The following SPRY3 variants were observed in gnomAD, a reference collection of about 807,000 sequenced individuals.
SPRY3 encodes protein sprouty homolog 3.
A neutral mutation model predicts 20.2 loss-of-function variants in SPRY3; 15 were observed. The ratio of observed to expected loss-of-function variants is 0.74; its 90% confidence interval spans 0.50 to 1.14. The LOEUF is 1.14. Among genes scored for constraint, SPRY3 ranks in the 50% most tolerant of loss-of-function variants. The probability of loss-of-function intolerance (pLI) is 0.00; values close to 1 mark genes in which losing one functional copy is unlikely to be tolerated. For missense variants in SPRY3, 364 were observed against 363.9 expected, an observed-to-expected ratio of 1.00 and a Z score of 0.00; for synonymous variants, 143 against 136.5, an observed-to-expected ratio of 1.05 and a Z score of -0.33.
At chrX:155,774,358 C>A in exon 4 of SPRY3, 2 of 1,614,010 alleles carry the variant, frequency 1.2e-6, no homozygotes, top group Non-Finnish European at 1.7e-6. Flanking sequence ...AGCAGCTCGC[C>A]CTCTCCCCTC....
chrX:155,659,979 T>C (rs782444859), intron 2 of SPRY3, among the ~76,000 whole-genome samples: 2 of 112,024 alleles, frequency 1.8e-5, no homozygotes, highest in East Asian at 5.6e-4. Flanking sequence ...AAGAACCAAC[T>C]TTTAATTTTA....
intron 1 of SPRY3, among the ~76,000 whole-genome samples, chrX:155,628,794 C>G (rs1283845355): frequency 8.9e-6 from 1 of 111,877 alleles, no homozygotes; most frequent in Admixed American, 9.4e-5. Context: ...CACATCCTCA[C>G]CAACACTTGT....
chrX:155,686,324 T>A (rs1402293461), intron 2 of SPRY3, among the ~76,000 whole-genome samples: 1 of 111,724 alleles, frequency 9.0e-6, no homozygotes, highest in Non-Finnish European at 1.9e-5. Context: ...GGTTTTTGGT[T>A]TATATCCTGA....
chrX:155,659,231 G>A (rs186139145), intron 2 of SPRY3, among the ~76,000 whole-genome samples: 25 of 108,207 alleles, frequency 2.3e-4, no homozygotes, highest in African/African-American at 7.4e-4. Context: ...TGCAAGCTCC[G>A]CCTCCTGGGT....
intron 2 of SPRY3, among the ~76,000 whole-genome samples, chrX:155,688,400 C>T (rs893470360): frequency 5.4e-5 from 6 of 110,844 alleles, no homozygotes; most frequent in South Asian, 3.9e-4. Flanking sequence ...GGTATATACC[C>T]GGTAATGGAA....
chrX:155,776,841 T>C (rs1353346515), downstream of SPRY3: 3 of 167,086 alleles, frequency 1.8e-5, no homozygotes, highest in Non-Finnish European at 4.4e-5. Flanking sequence ...CTTCCTGAAG[T>C]GTACTGACAT....
chrX:155,669,582 A>T (rs1557354578), intron 2 of SPRY3, among the ~76,000 whole-genome samples: 1 of 111,531 alleles, frequency 9.0e-6, no homozygotes, highest in Non-Finnish European at 1.9e-5. Flanking sequence ...AGACAATTGA[A>T]TCAAGTGATG....
At chrX:155,680,478 C>G (rs1391213781) in intron 2 of SPRY3, among the ~76,000 whole-genome samples, 1 of 110,254 alleles carries the variant, frequency 9.1e-6, no homozygotes, top group Non-Finnish European at 1.9e-5. Context: ...GTGGGATATT[C>G]CCCCACAGTC....
chrX:155,713,012 G>C (rs909275236), intron 2 of SPRY3, among the ~76,000 whole-genome samples: 3 of 151,530 alleles, frequency 2.0e-5, no homozygotes, highest in Non-Finnish European at 3.0e-5. Flanking sequence ...ATTTTTTGTT[G>C]TTTCCCTTTA....
At chrX:155,621,106 A>G (rs1427778521) in intron 1 of SPRY3, among the ~76,000 whole-genome samples, 1 of 111,917 alleles carries the variant, frequency 8.9e-6, no homozygotes, top group Non-Finnish European at 1.9e-5. Context: ...TTTACCAACT[A>G]TTATTGTTCA....
intron 2 of SPRY3, among the ~76,000 whole-genome samples, chrX:155,666,671 G>A (rs2068025559): frequency 9.0e-6 from 1 of 111,465 alleles, no homozygotes; most frequent in Non-Finnish European, 1.9e-5. Flanking sequence ...ATATATTTGT[G>A]TTGAACGTGT....
chrX:155,663,544 G>A (rs1217870794), intron 2 of SPRY3, among the ~76,000 whole-genome samples: 2 of 111,403 alleles, frequency 1.8e-5, no homozygotes, highest in Non-Finnish European at 3.8e-5. Context: ...TGACTCATGA[G>A]GGGAAACAAT....
intron 1 of SPRY3, among the ~76,000 whole-genome samples, chrX:155,638,025 C>A (rs1369896133): frequency 5.7e-5 from 6 of 105,484 alleles, no homozygotes; most frequent in Non-Finnish European, 1.2e-4. Flanking sequence ...GTAAGGTAAC[C>A]CCATTGGGTT....
At chrX:155,648,970 A>G (rs188792626) in intron 1 of SPRY3, among the ~76,000 whole-genome samples, 57 of 112,189 alleles carry the variant, frequency 5.1e-4, no homozygotes, top group African/African-American at 1.6e-3. Flanking sequence ...ACAAACTACC[A>G]TCAGAGAATA....
At chrX:155,625,455 A>C (rs782230825) in intron 1 of SPRY3, among the ~76,000 whole-genome samples, 1 of 111,730 alleles carries the variant, frequency 9.0e-6, no homozygotes, top group Non-Finnish European at 1.9e-5. Flanking sequence ...CTGATATCAA[A>C]TATATAGTCA....
intron 1 of SPRY3, among the ~76,000 whole-genome samples, chrX:155,656,598 A>T (rs2067992983): frequency 9.0e-6 from 1 of 111,055 alleles, no homozygotes; most frequent in Non-Finnish European, 1.9e-5. Flanking sequence ...TACTTCTGTC[A>T]ATTCGTCAAA....
chrX:155,710,322 G>A (rs764171049), intron 2 of SPRY3, among the ~76,000 whole-genome samples: 7 of 151,592 alleles, frequency 4.6e-5, no homozygotes, highest in South Asian at 4.2e-4. Flanking sequence ...TTTTTTGTGC[G>A]TACTCTTCAA....
At chrX:155,685,719 C>T (rs1377989715) in intron 2 of SPRY3, among the ~76,000 whole-genome samples, 1 of 111,457 alleles carries the variant, frequency 9.0e-6, no homozygotes, top group Non-Finnish European at 1.9e-5. Context: ...CAGCTCCATC[C>T]ATGTCCCTAC....
chrX:155,624,639 A>G (rs782612344), intron 1 of SPRY3, among the ~76,000 whole-genome samples: 12 of 110,840 alleles, frequency 1.1e-4, no homozygotes, highest in Non-Finnish European at 2.3e-4. Context: ...CCCTCTGGCA[A>G]GAGACTTCAT....
Sources: gnomAD v4.1 joint callset for allele counts (sites outside exome capture counted in the v4.1 genomes callset) on GRCh38, gnomAD v4.1.1 for gene constraint, MANE v1.5 for transcripts, NCBI Gene and HGNC (gene_info 2026-07-23, HGNC 2026-07-21) for gene names.